The following CEP70 variants were observed in gnomAD, a reference collection of about 807,000 sequenced individuals.
CEP70 encodes centrosomal protein 70.
A neutral mutation model predicts 90.9 loss-of-function variants in CEP70; 70 were observed. The observed-to-expected ratio is 0.77, with a 90% CI of 0.64 to 0.94. The LOEUF (loss-of-function observed/expected upper bound fraction) is 0.94, where lower values mean the gene tolerates loss of function less well. Among genes scored for constraint, CEP70 ranks in the 40% least tolerant of loss-of-function variants. The pLI is 0.00. For synonymous variants in CEP70, 220 were observed against 228.3 expected (o/e 0.96, Z 0.33); for missense variants, 648 against 669.0 (o/e 0.97, Z 0.35).
chr3:138,570,541 T>G (rs2041101750), intron 5 of CEP70, 43 bp from the exon 6 acceptor site: 1 of 1,450,300 alleles, frequency 6.9e-7, no homozygotes. Flanking sequence ...GTATTAAAAA[T>G]AAATCGAATT....
intron 6 of CEP70, among the ~76,000 whole-genome samples, chr3:138,556,213 C>T (rs190651763): frequency 5.3e-5 from 8 of 152,244 alleles, no homozygotes; most frequent in African/African-American, 1.7e-4. Flanking sequence ...GGGAGCTAAG[C>T]TATGACAATG....
chr3:138,517,715 G>T (rs2036171708), intron 11 of CEP70, among the ~76,000 whole-genome samples: 2 of 152,096 alleles, frequency 1.3e-5, no homozygotes, highest in African/African-American at 4.8e-5. Context: ...AGCCAAGATG[G>T]CCAAATAGGA....
intron 6 of CEP70, among the ~76,000 whole-genome samples, chr3:138,564,286 C>T (rs1199852828): frequency 6.6e-6 from 1 of 152,182 alleles, no homozygotes; most frequent in Non-Finnish European, 1.5e-5. Context: ...GAGCTGGTAC[C>T]TTTCCTTCTG....
At chr3:138,578,846 T>C (rs1434473640) in intron 2 of CEP70, among the ~76,000 whole-genome samples, 2 of 152,212 alleles carry the variant, frequency 1.3e-5, no homozygotes, top group Non-Finnish European at 2.9e-5. Context: ...CCTCCACCGA[T>C]TGTCCTCCCA....
chr3:138,518,005 C>A (rs568140270), intron 11 of CEP70, among the ~76,000 whole-genome samples: 1 of 152,320 alleles, frequency 6.6e-6, no homozygotes, highest in South Asian at 2.1e-4. Flanking sequence ...TTTTCAAACA[C>A]CCTTAGCAAA....
intron 6 of CEP70, among the ~76,000 whole-genome samples, chr3:138,549,910 T>C (rs2039494855): frequency 6.6e-6 from 1 of 152,050 alleles, no homozygotes. Context: ...TAATCCCCAG[T>C]ACCAGCCTGG....
intron 2 of CEP70, among the ~76,000 whole-genome samples, chr3:138,589,493 A>G (rs2042268509): frequency 6.9e-6 from 1 of 145,068 alleles, no homozygotes; most frequent in East Asian, 2.0e-4. Flanking sequence ...TCTCTCAAGA[A>G]AAAAAAAAAA....
At chr3:138,543,629 T>C (rs550507) in intron 6 of CEP70, among the ~76,000 whole-genome samples, 61,606 of 152,024 alleles carry the variant, frequency 0.41, 13,021 homozygotes, top group Non-Finnish European at 0.45. Context: ...GACAGCTCCA[T>C]GGAGCACGCA....
intron 2 of CEP70, among the ~76,000 whole-genome samples, chr3:138,589,247 T>A (rs1481534452): frequency 6.6e-6 from 1 of 152,064 alleles, no homozygotes; most frequent in Non-Finnish European, 1.5e-5. Flanking sequence ...TCCTGAAATT[T>A]AAAAAAAGAT....
chr3:138,578,123 G>A (rs1373555936), intron 2 of CEP70, among the ~76,000 whole-genome samples: 1 of 152,202 alleles, frequency 6.6e-6, no homozygotes. Context: ...AAATGGTGTA[G>A]TACCGTTGGC....
At chr3:138,585,328 C>CG (rs1220034545) in intron 2 of CEP70, among the ~76,000 whole-genome samples, 5 of 152,042 alleles carry the variant, frequency 3.3e-5, no homozygotes, top group Non-Finnish European at 5.9e-5. Context: ...TAGGAATTAA[C>CG]TGAACCAATG....
chr3:138,593,295 T>A (rs1239186267), intron 1 of CEP70, among the ~76,000 whole-genome samples: 2 of 152,198 alleles, frequency 1.3e-5, no homozygotes, highest in African/African-American at 4.8e-5. Flanking sequence ...CGATCTCGGC[T>A]CACAGCAACC....
intron 11 of CEP70, among the ~76,000 whole-genome samples, chr3:138,519,087 G>T (rs547078714): frequency 1.3e-5 from 2 of 152,186 alleles, no homozygotes; most frequent in South Asian, 2.1e-4. Context: ...TATCAGTGAT[G>T]GAAGATCAAA....
intron 6 of CEP70, 126 bp downstream of exon 6, chr3:138,570,192 C>T: frequency 1.8e-6 from 1 of 561,142 alleles, no homozygotes; most frequent in Non-Finnish European, 3.1e-6. Context: ...AAGAGAATTT[C>T]AAGGTAGCAG....
Position 138,571,107 on chromosome 3 carries a change from T to A in CEP70, c.211A>T (p.Lys71Ter). The A allele has an allele frequency of 1.2e-6, 2 of 1,605,832 alleles. No homozygotes were observed. Among genetic ancestry groups the A allele is most frequent in the Non-Finnish European group, 1.7e-6 (2 of 1,173,550 alleles). ...QSSQRMRQNL[K>*]LLVEETSCQQ... ...CATGATGTTTCTTCCACCAACAATT[T>A]CAAATTCTGTCTCATCCTTTGTGAT... Residue 71 changes from lysine to a stop codon, truncating the protein, a stop_gained, in exon 5 of 18, where the codon AAA (lysine) becomes TAA (stop). Transcript: ENST00000264982. LOFTEE classifies it high-confidence loss of function.
intron 2 of CEP70, among the ~76,000 whole-genome samples, chr3:138,586,959 G>C (rs1399399835): frequency 2.0e-5 from 3 of 151,812 alleles, no homozygotes; most frequent in Non-Finnish European, 2.9e-5. Context: ...ATACACATCT[G>C]TGCACCCATG....
At chr3:138,557,380 G>A (rs894866848) in intron 6 of CEP70, among the ~76,000 whole-genome samples, 1 of 152,144 alleles carries the variant, frequency 6.6e-6, no homozygotes, top group Non-Finnish European at 1.5e-5. Context: ...CTCCTCAGCT[G>A]ACAGGATTAA....
At chr3:138,532,334 C>A (rs1047968740) in intron 8 of CEP70, among the ~76,000 whole-genome samples, 180 bp downstream of exon 8, 1 of 152,052 alleles carries the variant, frequency 6.6e-6, no homozygotes, top group African/African-American at 2.4e-5. Flanking sequence ...AACATAAATA[C>A]AACAATACAT....
intron 2 of CEP70, among the ~76,000 whole-genome samples, chr3:138,579,260 T>G (rs566112126): frequency 6.6e-6 from 1 of 152,208 alleles, no homozygotes; most frequent in African/African-American, 2.4e-5. Context: ...TCTGGGGTCC[T>G]AAATAAACTT....
Sources: allele counts gnomAD v4.1 joint callset (sites outside exome capture counted in the v4.1 genomes callset), GRCh38; gene constraint gnomAD v4.1.1; transcripts MANE v1.5; gene names NCBI Gene and HGNC (gene_info 2026-07-23, HGNC 2026-07-21).